The following SETBP1 variants were observed in gnomAD, a reference collection of about 807,000 sequenced individuals.
SETBP1 encodes the protein SET-binding protein.
A neutral mutation model predicts 101.0 loss-of-function variants in SETBP1; 9 were observed. The observed-to-expected ratio is 0.09, with a 90% CI of 0.05 to 0.16. The LOEUF (loss-of-function observed/expected upper bound fraction) is 0.16. Ranked by LOEUF, SETBP1 falls within the 10% of genes least tolerant of loss-of-function variation. SETBP1 has a pLI of 1.00. For missense variants in SETBP1, 1,858 were observed against 2,033.8 expected (o/e 0.91, Z 1.66); for synonymous variants, 818 against 788.5 (o/e 1.04, Z -0.63).
intron 4 of SETBP1, among the ~76,000 whole-genome samples, chr18:45,011,900 T>G (rs771276872): frequency 3.3e-5 from 5 of 152,222 alleles, no homozygotes; most frequent in Non-Finnish European, 7.3e-5. Context: ...TTGTACCTGG[T>G]AGCTCTTATT....
intron 2 of SETBP1, among the ~76,000 whole-genome samples, chr18:44,858,657 G>GCCC (rs1479507833): frequency 4.7e-4 from 71 of 152,284 alleles, no homozygotes; most frequent in African/African-American, 1.6e-3. Context: ...GGTGAAGATA[G>GCCC]TTGTCTTCCT....
At chr18:44,998,684 G>T (rs1486229202) in intron 4 of SETBP1, among the ~76,000 whole-genome samples, 1 of 152,210 alleles carries the variant, frequency 6.6e-6, no homozygotes, top group African/African-American at 2.4e-5. Flanking sequence ...CTGTGGAGCA[G>T]TCTGAAGTTA....
rs570289435 is a variant in SETBP1 at position 44,713,338 on chromosome 18, C to A, written c.486+11506C>A. ...TTTGACTGCTGCTCAAAGGCCTTCA[C>A]GGGGGGGGACGTGCCACCTTTCGCG... On this transcript the variant is annotated intron_variant, in intron 2 of 5. Transcript: ENST00000649279. Among the ~76,000 whole-genome samples the A allele has an allele frequency of 1.2e-4, 18 of 151,656 alleles. 2 individuals are homozygous for A. The South Asian group carries it at 3.6e-3, about 30-fold the overall frequency.
chr18:44,817,658 C>A (rs1568162205), intron 2 of SETBP1, among the ~76,000 whole-genome samples: 4 of 150,800 alleles, frequency 2.7e-5, no homozygotes, highest in Non-Finnish European at 5.9e-5. Context: ...GCACTCCAAC[C>A]CAGGTGACAG....
At chr18:44,859,191 A>C (rs2073030425) in intron 2 of SETBP1, among the ~76,000 whole-genome samples, 1 of 152,226 alleles carries the variant, frequency 6.6e-6, no homozygotes, top group Admixed American at 6.5e-5. Context: ...ACCCAGATTT[A>C]GGAATGAAAC....
At chr18:44,953,865 C>T (rs1181786089) in intron 4 of SETBP1, among the ~76,000 whole-genome samples, 1 of 152,170 alleles carries the variant, frequency 6.6e-6, no homozygotes, top group Non-Finnish European at 1.5e-5. Context: ...CATCAGGTAG[C>T]CACAGCCTTG....
chr18:44,832,820 T>C (rs2072404871), intron 2 of SETBP1, among the ~76,000 whole-genome samples: 1 of 152,208 alleles, frequency 6.6e-6, no homozygotes, highest in East Asian at 1.9e-4. Context: ...CTAGGCTAGT[T>C]ACACAAAATG....
chr18:44,890,174 T>C (rs2069735718), intron 3 of SETBP1, among the ~76,000 whole-genome samples: 1 of 152,126 alleles, frequency 6.6e-6, no homozygotes, highest in African/African-American at 2.4e-5. Flanking sequence ...CTATAGTCAC[T>C]ATGTTGTAAA....
intron 4 of SETBP1, among the ~76,000 whole-genome samples, chr18:44,961,215 G>A (rs146714197): frequency 5.2e-4 from 79 of 152,330 alleles, no homozygotes; most frequent in African/African-American, 1.8e-3. Context: ...ATGCAGAGAA[G>A]GAATGCCAGA....
At chr18:44,869,172 G>T in intron 2 of SETBP1, 58 bp from the exon 3 acceptor site, 1 of 1,466,800 alleles carries the variant, frequency 6.8e-7, no homozygotes, top group South Asian at 1.1e-5. Flanking sequence ...AGTTGTCGTG[G>T]GGATACTGTA....
intron 2 of SETBP1, among the ~76,000 whole-genome samples, chr18:44,820,632 C>T (rs1159357869): frequency 2.0e-5 from 3 of 152,198 alleles, no homozygotes; most frequent in African/African-American, 4.8e-5. Context: ...TCCCTCACTT[C>T]GTCATCCACA....
At chr18:44,878,333 A>AT (rs11422925) in intron 3 of SETBP1, among the ~76,000 whole-genome samples, 78,192 of 150,078 alleles carry the variant, frequency 0.52, 20,387 homozygotes, top group Non-Finnish European at 0.55. Flanking sequence ...TTTTTCATTC[A>AT]TTTTTTTTTT....
At chr18:45,057,219 T>C (rs1472080103) in intron 5 of SETBP1, among the ~76,000 whole-genome samples, 1 of 152,110 alleles carries the variant, frequency 6.6e-6, no homozygotes, top group Non-Finnish European at 1.5e-5. Flanking sequence ...AAAAGAGCTT[T>C]TAAGGCCAGG....
chr18:44,972,366 T>C (rs2071885201), intron 4 of SETBP1, among the ~76,000 whole-genome samples: 1 of 152,282 alleles, frequency 6.6e-6, no homozygotes, highest in South Asian at 2.1e-4. Flanking sequence ...CGGGCTCTTT[T>C]TTGGTTGCAT....
At chr18:44,817,208 C>T (rs1190078721) in intron 2 of SETBP1, among the ~76,000 whole-genome samples, 1 of 152,164 alleles carries the variant, frequency 6.6e-6, no homozygotes. Flanking sequence ...AACAGAAGAG[C>T]GTTACTTTTG....
chr18:44,938,931 T>C (rs903595858), intron 3 of SETBP1, among the ~76,000 whole-genome samples: 2 of 151,466 alleles, frequency 1.3e-5, no homozygotes, highest in African/African-American at 4.9e-5. Context: ...GCCCCTGCTT[T>C]CTGCTGCTTG....
At chr18:44,696,680 G>A (rs1385517957) in intron 1 of SETBP1, among the ~76,000 whole-genome samples, 2 of 152,174 alleles carry the variant, frequency 1.3e-5, no homozygotes, top group African/African-American at 4.8e-5. Flanking sequence ...TGGCTCTGCA[G>A]GGCAAAATTA....
chr18:45,004,062 C>CCCTA (rs2072674307), intron 4 of SETBP1, among the ~76,000 whole-genome samples: 1 of 152,210 alleles, frequency 6.6e-6, no homozygotes, highest in African/African-American at 2.4e-5. Flanking sequence ...ACAGCCTTTA[C>CCCTA]CCTACCCTGT....
intron 3 of SETBP1, among the ~76,000 whole-genome samples, chr18:44,931,136 G>T (rs970602914): frequency 1.3e-5 from 2 of 152,172 alleles, no homozygotes; most frequent in Non-Finnish European, 2.9e-5. Context: ...ATGGTATGTT[G>T]TGTCTTTGTT....
Sources: allele counts gnomAD v4.1 joint callset (sites outside exome capture counted in the v4.1 genomes callset), GRCh38; gene constraint gnomAD v4.1.1; transcripts MANE v1.5; gene names NCBI Gene and HGNC (gene_info 2026-07-23, HGNC 2026-07-21).